Variants in EML6 observed in about 807,000 individuals in gnomAD.
EML6 encodes EMAP like 6, also known as echinoderm microtubule-associated protein-like 6.
Under a neutral mutation model 240.1 loss-of-function variants are expected in EML6, and 154 were observed. The ratio of observed to expected loss-of-function variants is 0.64; its 90% CI spans 0.56 to 0.73. The LOEUF (loss-of-function observed/expected upper bound fraction) is 0.73. Among genes scored for constraint, EML6 ranks in the 30% least tolerant of loss-of-function variants. The pLI is 0.00. For synonymous variants in EML6, 1,148 were observed against 899.0 expected, an observed-to-expected ratio of 1.28 and a Z score of -4.95; for missense variants, 2,964 against 2,474.6, an observed-to-expected ratio of 1.20 and a Z score of -4.20.
intron 28 of EML6, among the ~76,000 whole-genome samples, chr2:54,932,842 T>C (rs1652045212): frequency 1.3e-5 from 2 of 152,216 alleles, no homozygotes; most frequent in Admixed American, 1.3e-4. Context: ...TTAAGAATTT[T>C]CTTTTCACGT....
chr2:54,890,006 C>T (rs1030986692), intron 17 of EML6, among the ~76,000 whole-genome samples: 2 of 152,206 alleles, frequency 1.3e-5, no homozygotes, highest in Admixed American at 6.5e-5. Context: ...TGACAAAGTA[C>T]AGGGAAATAC....
At chr2:54,838,577 T>C (rs1309420483) in intron 7 of EML6, among the ~76,000 whole-genome samples, 3 of 152,190 alleles carry the variant, frequency 2.0e-5, no homozygotes, top group Non-Finnish European at 4.4e-5. Flanking sequence ...ACAGACTAGA[T>C]CTCCCCATGG....
At chr2:54,915,351 T>C (rs1306156880) in intron 25 of EML6, among the ~76,000 whole-genome samples, 1 of 151,784 alleles carries the variant, frequency 6.6e-6, no homozygotes, top group African/African-American at 2.4e-5. Context: ...ACTAGGAGAG[T>C]CTTAGAGATG....
chr2:54,949,689 G>A (rs1675875239), intron 29 of EML6, among the ~76,000 whole-genome samples: 1 of 152,152 alleles, frequency 6.6e-6, no homozygotes, highest in Non-Finnish European at 1.5e-5. Flanking sequence ...ACCTGGGAGA[G>A]TCCCACATTG....
At chr2:54,886,460 G>C (rs1055334883) in intron 17 of EML6, among the ~76,000 whole-genome samples, 1 of 152,084 alleles carries the variant, frequency 6.6e-6, no homozygotes, top group Non-Finnish European at 1.5e-5. Flanking sequence ...GTGCGCCACC[G>C]CGTCTGGCCT....
chr2:54,903,194 A>C lies in EML6; in HGVS notation c.3275A>C (p.Lys1092Thr), dbSNP rs1249466723. 7 of 1,551,700 alleles carry C rather than the reference A, an allele frequency of 4.5e-6. No homozygotes were observed. Among genetic ancestry groups the C allele is most frequent in the Middle Eastern group, 1.7e-4 (1 of 6,010 alleles). The part of the protein sequence containing the change: ...KEMISDIKFS[K>T]DTGKYLAVAS... ...ATGATCTCTGATATTAAGTTTTCAA[A>C]AGGTGAAGATGACAGCAGATACTTT... The change falls in exon 23 of 42, where the codon AAA (lysine) becomes ACA (threonine). Residue 1092 changes from lysine (K) to threonine (T), a missense_variant and splice_region_variant. Lys to Thr is a moderately conservative substitution (Grantham distance 78). Transcript: ENST00000356458.
At chr2:54,969,933 T>C in intron 41 of EML6, 138 bp from the exon 42 acceptor site, 1 of 858,428 alleles carries the variant, frequency 1.2e-6, no homozygotes, top group Non-Finnish European at 1.9e-6. Context: ...GCAAGATCCC[T>C]GGTTTACCTT....
intron 17 of EML6, among the ~76,000 whole-genome samples, chr2:54,885,618 T>C (rs1201378156): frequency 6.6e-6 from 1 of 152,028 alleles, no homozygotes; most frequent in Admixed American, 6.5e-5. Flanking sequence ...TTTGATTTTC[T>C]TTTTTTCTTT....
chr2:54,960,933 C>G (rs553776595), intron 35 of EML6, among the ~76,000 whole-genome samples: 6 of 152,078 alleles, frequency 3.9e-5, no homozygotes, highest in African/African-American at 1.4e-4. Context: ...TTAAATTCCC[C>G]CAGGAGATTT....
Position 54,962,588 on chromosome 2 carries a change from T to C in EML6, c.5034T>C (p.Ser1678=), listed in dbSNP as rs1001873106. ...IIEVGEKNAA[S]NILIDGHMEG... is the part of the protein sequence containing the mutation. ...AAGTTGGTGAAAAAAATGCTGCTTC[T>C]AACATCCTGATTGATGGTCACATGG... The change falls in exon 36 of 42, where the codon TCT becomes TCC. Residue 1678 remains serine, a synonymous_variant. Coordinates refer to ENST00000356458, the MANE Select transcript of EML6 (RefSeq NM_001039753.4). The C allele has an allele frequency of 6.5e-7, 1 of 1,550,148 alleles. No individual in the cohort carries two copies. Among genetic ancestry groups the C allele is most frequent in the African/African-American group, 1.4e-5 (1 of 73,012 alleles).
intron 41 of EML6, among the ~76,000 whole-genome samples, chr2:54,969,712 T>C (rs1200349022): frequency 6.6e-6 from 1 of 152,234 alleles, no homozygotes; most frequent in Non-Finnish European, 1.5e-5. Flanking sequence ...CTGTGATCCC[T>C]GGTTCTGTGC....
chr2:54,797,174 A>AACAAAAC (rs1669845749), intron 2 of EML6, among the ~76,000 whole-genome samples: 1 of 140,970 alleles, frequency 7.1e-6, no homozygotes, highest in African/African-American at 2.5e-5. Context: ...CAAAAAAAAA[A>AACAAAAC]AAAAAAAAAA....
At chr2:54,934,759 C>G (rs1675048603) in intron 28 of EML6, among the ~76,000 whole-genome samples, 1 of 152,058 alleles carries the variant, frequency 6.6e-6, no homozygotes, top group Admixed American at 6.6e-5. Context: ...TACTGTGTTT[C>G]CCAGGGTGTT....
chr2:54,885,680 C>T (rs1387279520), intron 17 of EML6, among the ~76,000 whole-genome samples: 6 of 151,638 alleles, frequency 4.0e-5, no homozygotes, highest in African/African-American at 7.3e-5. Flanking sequence ...GGCGCTATCT[C>T]GGCTCACTGC....
chr2:54,869,231 A>T lies in EML6; in HGVS notation c.2102A>T (p.Glu701Val). 1 of 1,551,770 alleles carries T rather than the reference A, an allele frequency of 6.4e-7. No individual in the cohort carries two copies. The highest frequency in any genetic ancestry group is 8.7e-7 in the Non-Finnish European group (1 of 1,146,902). The part of the protein sequence containing the change: ...RNNLFYTQAG[E>V]VVYHIAAVAV... ...AATCTGTTCTACACACAAGCTGGAG[A>T]AGTAGTCTACCACATTGCTGCAGTT... is the stretch of plus-strand genomic sequence containing the variant. Residue 701 changes from glutamate (E) to valine (V), a missense_variant, in exon 15 of 42, where the codon GAA becomes GTA. Glu to Val is a moderately radical substitution (Grantham distance 121). Transcript: ENST00000356458.
chr2:54,909,699 C>T (rs1673536763), intron 24 of EML6, among the ~76,000 whole-genome samples: 1 of 151,886 alleles, frequency 6.6e-6, no homozygotes, highest in Non-Finnish European at 1.5e-5. Context: ...ATAGAATTAG[C>T]CAAGTGTGGT....
chr2:54,896,554 C>T (rs1672778794), intron 21 of EML6, among the ~76,000 whole-genome samples: 1 of 152,050 alleles, frequency 6.6e-6, no homozygotes, highest in South Asian at 2.1e-4. Context: ...TGGATAAGAC[C>T]ATATTTAGGT....
At position 54,844,234 on chromosome 2, in the gene EML6, T is replaced by C. The variant is rs901939657; in HGVS notation, c.1035T>C (p.Asp345=). The C allele has an allele frequency of 1.4e-5, 21 of 1,551,462 alleles. No homozygotes were observed. In the African/African-American group the frequency reaches 1.8e-4, roughly 13 times the overall value. Residue 345 remains aspartate, a synonymous_variant, in exon 8 of 42, where the codon GAT becomes GAC. Coordinates refer to ENST00000356458, the MANE Select transcript of EML6 (RefSeq NM_001039753.4). ...AGCCTCTGGCTGTGACAGGCAGCGATGACCGCTCTGTCAGGTGAGGCCCTA... is the reference window on the plus strand; with the variant it reads ...AGCCTCTGGCTGTGACAGGCAGCGACGACCGCTCTGTCAGGTGAGGCCCTA... The part of the protein sequence containing the change: ...PKKPLAVTGS[D]DRSVRLWSLA...
At chr2:54,904,393 G>A (rs779879248) in intron 24 of EML6, among the ~76,000 whole-genome samples, 9 of 152,116 alleles carry the variant, frequency 5.9e-5, no homozygotes, top group Admixed American at 3.9e-4. Flanking sequence ...CTTCAGAGAC[G>A]TTGTAGTCCA....
Sources: gnomAD v4.1 joint callset for allele counts (sites outside exome capture counted in the v4.1 genomes callset) on GRCh38, gnomAD v4.1.1 for gene constraint, MANE v1.5 for transcripts, NCBI Gene and HGNC (gene_info 2026-07-23, HGNC 2026-07-21) for gene names.